DOCK1: variants seen among roughly 807,000 people sequenced by gnomAD.
The protein encoded by DOCK1 is dedicator of cytokinesis 1, also known as dedicator of cytokinesis protein 1.
In DOCK1, 138 loss-of-function variants were observed where a neutral mutation model predicts 262.7. That is an observed-to-expected ratio of 0.53 (90% CI 0.46 to 0.61). The LOEUF (loss-of-function observed/expected upper bound fraction) is 0.61, where lower values mean the gene tolerates loss of function less well. Among genes scored for constraint, DOCK1 ranks in the 20% least tolerant of loss-of-function variants. The pLI is 0.00. For synonymous variants in DOCK1, 866 were observed against 867.4 expected (o/e 1.00, Z 0.03); for missense variants, 1,908 against 2,370.7 (o/e 0.80, Z 4.05).
intron 1 of DOCK1, among the ~76,000 whole-genome samples, chr10:126,968,384 C>A (rs2037837190): frequency 6.6e-6 from 1 of 152,178 alleles, no homozygotes; most frequent in African/African-American, 2.4e-5. Flanking sequence ...GATTTGGGGC[C>A]ATGTGCATAA....
At chr10:127,264,074 A>G (rs1241910694) in intron 29 of DOCK1, among the ~76,000 whole-genome samples, 3 of 152,190 alleles carry the variant, frequency 2.0e-5, no homozygotes, top group African/African-American at 7.2e-5. Flanking sequence ...CCAGTACTGA[A>G]TGTAATTTTC....
intron 27 of DOCK1, among the ~76,000 whole-genome samples, chr10:127,158,758 G>A (rs2489388): frequency 1 from 152,016 of 152,360 alleles, 75,837 homozygotes; most frequent in Middle Eastern, 1. Flanking sequence ...GTTCATTGTA[G>A]ATATGGATTT....
chr10:127,106,258 A>G lies in DOCK1; in HGVS notation c.2473A>G (p.Ile825Val), dbSNP rs2048523680. ...GGCAGCACTGAAATACTTACCAACGATCGTCAACGATGTGAAATTGGTGTT... is the reference window on the plus strand; with the variant it reads ...GGCAGCACTGAAATACTTACCAACGGTCGTCAACGATGTGAAATTGGTGTT... ...KGAALKYLPT[I>V]VNDVKLVFDP... is the part of the protein sequence containing the mutation. Residue 825 changes from isoleucine (I) to valine (V), a missense_variant, in exon 24 of 52, where the codon ATC becomes GTC. By Grantham distance (29) the Ile-to-Val change is conservative. Around this residue, in one of 9 missense-constraint regions of DOCK1, gnomAD observed 518 missense variants for 575.1 expected, o/e 0.90. Coordinates refer to ENST00000623213, the MANE Select transcript of DOCK1 (RefSeq NM_001290223.2). 6.3e-7 allele frequency: 1 copy of G among 1,595,768 alleles called. No individual in the cohort carries two copies. Among genetic ancestry groups the G allele is most frequent in the African/African-American group, 1.3e-5 (1 of 74,766 alleles).
At chr10:127,210,163 G>A (rs1480339487) in intron 27 of DOCK1, among the ~76,000 whole-genome samples, 2 of 152,156 alleles carry the variant, frequency 1.3e-5, no homozygotes, top group African/African-American at 4.8e-5. Context: ...GATTTTTTAT[G>A]AAGTCTTACA....
intron 23 of DOCK1, among the ~76,000 whole-genome samples, chr10:127,076,892 C>T (rs11597085): frequency 0.21 from 32,294 of 152,094 alleles, 3,702 homozygotes; most frequent in South Asian, 0.36. Flanking sequence ...TTAAGCACCT[C>T]TGGCATTTTG....
At chr10:127,072,727 C>T (rs967534238) in intron 23 of DOCK1, among the ~76,000 whole-genome samples, 1 of 152,182 alleles carries the variant, frequency 6.6e-6, no homozygotes, top group Middle Eastern at 3.2e-3. Context: ...TACTCTCAGG[C>T]ACCAAAGACT....
At chr10:127,448,887 G>A (rs370491186) in intron 51 of DOCK1, among the ~76,000 whole-genome samples, 12 of 151,486 alleles carry the variant, frequency 7.9e-5, no homozygotes, top group African/African-American at 2.2e-4. Context: ...ACTCGTTGAC[G>A]GAGTGTTCCA....
intron 29 of DOCK1, among the ~76,000 whole-genome samples, chr10:127,336,938 C>T (rs2063228992): frequency 6.6e-6 from 1 of 152,136 alleles, no homozygotes; most frequent in Admixed American, 6.5e-5. Context: ...TGTTTGGGTG[C>T]TATCTTGAGG....
chr10:127,016,296 G>T (rs567413430), intron 12 of DOCK1, among the ~76,000 whole-genome samples: 1 of 152,182 alleles, frequency 6.6e-6, no homozygotes, highest in Non-Finnish European at 1.5e-5. Flanking sequence ...GGTTTCACCA[G>T]CTGGCAAAGA....
chr10:127,264,152 T>C (rs567166399), intron 29 of DOCK1, among the ~76,000 whole-genome samples: 12 of 152,332 alleles, frequency 7.9e-5, no homozygotes, highest in African/African-American at 2.6e-4. Flanking sequence ...TTATCCACAG[T>C]TGTCAGCTAC....
At chr10:127,251,977 G>A (rs893142901) in intron 28 of DOCK1, among the ~76,000 whole-genome samples, 1 of 152,214 alleles carries the variant, frequency 6.6e-6, no homozygotes, top group Admixed American at 6.5e-5. Context: ...TTCCACATTG[G>A]TTGAACTAGT....
chr10:126,949,646 T>C (rs1284936066), intron 1 of DOCK1, among the ~76,000 whole-genome samples: 2 of 152,146 alleles, frequency 1.3e-5, no homozygotes, highest in Non-Finnish European at 2.9e-5. Context: ...AAATTCATGT[T>C]AGACAGCAAA....
chr10:127,236,778 C>T (rs2059082766), intron 27 of DOCK1, among the ~76,000 whole-genome samples: 1 of 151,904 alleles, frequency 6.6e-6, no homozygotes, highest in South Asian at 2.1e-4. Flanking sequence ...TTTTATTCTT[C>T]ATCACCATCA....
chr10:127,024,662 G>A (rs2042699884), intron 14 of DOCK1, 23 bp from the exon 15 acceptor site: 1 of 1,593,516 alleles, frequency 6.3e-7, no homozygotes. Context: ...TCTTACGTGA[G>A]CTCTTTATGT....
At chr10:127,149,047 A>G (rs2052205605) in intron 27 of DOCK1, among the ~76,000 whole-genome samples, 1 of 152,206 alleles carries the variant, frequency 6.6e-6, no homozygotes, top group East Asian at 1.9e-4. Context: ...CTCTGAGTCA[A>G]TAGATTTGCC....
At chr10:127,156,843 C>T (rs1222769415) in intron 27 of DOCK1, among the ~76,000 whole-genome samples, 2 of 152,184 alleles carry the variant, frequency 1.3e-5, no homozygotes, top group Non-Finnish European at 2.9e-5. Flanking sequence ...GTTGGGATTA[C>T]AGGCGTGTGC....
intron 28 of DOCK1, among the ~76,000 whole-genome samples, chr10:127,251,391 A>G (rs1261506372): frequency 6.6e-6 from 1 of 151,444 alleles, no homozygotes; most frequent in African/African-American, 2.4e-5. Context: ...AAATTTTATT[A>G]TTATTATACT....
chr10:127,120,087 G>A (rs968230892), intron 25 of DOCK1, among the ~76,000 whole-genome samples: 7 of 152,186 alleles, frequency 4.6e-5, no homozygotes, highest in Non-Finnish European at 7.3e-5. Context: ...TTTGCATGGA[G>A]CCTGGCTACC....
At chr10:127,450,493 C>T (rs1565101554) in intron 51 of DOCK1, among the ~76,000 whole-genome samples, 1 of 152,164 alleles carries the variant, frequency 6.6e-6, no homozygotes, top group Non-Finnish European at 1.5e-5. Context: ...TTCATTTATC[C>T]ACTGACTCGT....
Sources: gnomAD v4.1 joint callset for allele counts (sites outside exome capture counted in the v4.1 genomes callset) on GRCh38, gnomAD v4.1.1 for gene constraint, gnomAD v4.1.1 regional missense constraint, MANE v1.5 for transcripts, NCBI Gene and HGNC (gene_info 2026-07-23, HGNC 2026-07-21) for gene names.